Variants in AFF3 observed in about 807,000 individuals in gnomAD.
AFF3 encodes ALF transcription elongation factor 3.
AFF3 carries 32 observed loss-of-function variants against 129.7 expected under a neutral mutation model. That is an observed-to-expected ratio of 0.25 (90% CI 0.19 to 0.33). The LOEUF (loss-of-function observed/expected upper bound fraction) is 0.33. AFF3 is among the 10% of genes least tolerant of loss of function. The pLI, the probability that AFF3 is intolerant of heterozygous loss-of-function variation, is 1.00. For synonymous variants in AFF3, 644 were observed against 635.4 expected, an observed-to-expected ratio of 1.01 and a Z score of -0.20; for missense variants, 1,373 against 1,592.0, an observed-to-expected ratio of 0.86 and a Z score of 2.34.
At chr2:99,890,588 G>A (rs184562843) in intron 7 of AFF3, among the ~76,000 whole-genome samples, 10 of 152,208 alleles carry the variant, frequency 6.6e-5, no homozygotes, top group Admixed American at 2.0e-4. Flanking sequence ...AGGAAGAAGC[G>A]GGCAACCTCT....
At chr2:99,903,057 AT>A (rs1209334572) in intron 7 of AFF3, among the ~76,000 whole-genome samples, 4 of 152,186 alleles carry the variant, frequency 2.6e-5, no homozygotes, top group Non-Finnish European at 4.4e-5. Context: ...TTCTGAATAA[AT>A]ATGAATAAGT....
At chr2:99,991,821 T>C (rs1164228315) in intron 7 of AFF3, among the ~76,000 whole-genome samples, 1 of 151,894 alleles carries the variant, frequency 6.6e-6, no homozygotes, top group East Asian at 1.9e-4. Context: ...GAGAATTGCT[T>C]GAACCTGGGA....
chr2:99,795,978 T>G (rs1009612726), intron 8 of AFF3, among the ~76,000 whole-genome samples: 1 of 152,154 alleles, frequency 6.6e-6, no homozygotes, highest in Admixed American at 6.6e-5. Context: ...GGATAAAGGA[T>G]GAGGAACAGG....
rs529436921 is a variant in AFF3 at position 100,105,666 on chromosome 2, G to T, written c.-144-83C>A. 5.2e-6 allele frequency: 7 copies of T among 1,346,818 alleles called. No individual in the cohort carries two copies. In the African/African-American group the frequency reaches 1.0e-4, roughly 20 times the overall value. 83.4% of individuals were successfully genotyped at this position (1,346,818 alleles called of 1,614,324 possible). On this transcript the variant is annotated intron_variant, in intron 2 of 24. Coordinates refer to ENST00000672756, the MANE Select transcript of AFF3 (RefSeq NM_001386135.1). Reference sequence around the variant, plus strand: ...ATTGTAAAGACAGCTCTTCCCCCTGGCTTACTTTTTTAGACATGCTGAGAA... The same window carrying T: ...ATTGTAAAGACAGCTCTTCCCCCTGTCTTACTTTTTTAGACATGCTGAGAA...
intron 7 of AFF3, among the ~76,000 whole-genome samples, chr2:99,905,680 C>T (rs1032237955): frequency 1.2e-4 from 19 of 152,164 alleles, no homozygotes; most frequent in Non-Finnish European, 2.6e-4. Context: ...TTTAATTTAA[C>T]TGTCTACTTA....
chr2:99,731,758 C>G (rs10167011), intron 10 of AFF3, among the ~76,000 whole-genome samples: 106,100 of 152,152 alleles, frequency 0.7, 38,001 homozygotes, highest in African/African-American at 0.86. Flanking sequence ...GAACAGGAGG[C>G]AATGTCACTA....
chr2:100,035,429 A>T (rs1296083515), intron 4 of AFF3, among the ~76,000 whole-genome samples: 1 of 152,214 alleles, frequency 6.6e-6, no homozygotes, highest in Admixed American at 6.5e-5. Flanking sequence ...CCAATGATGA[A>T]CAAAAATGAT....
intron 24 of AFF3, among the ~76,000 whole-genome samples, chr2:99,551,856 T>G (rs1324198652): frequency 6.6e-6 from 1 of 152,028 alleles, no homozygotes; most frequent in African/African-American, 2.4e-5. Context: ...GCAAAGAAAA[T>G]CCATATCCTC....
chr2:99,784,087 G>A (rs1373249292), intron 8 of AFF3, among the ~76,000 whole-genome samples: 1 of 152,252 alleles, frequency 6.6e-6, no homozygotes, highest in Non-Finnish European at 1.5e-5. Context: ...CGAGAGGCCA[G>A]TCTGCATTCC....
chr2:99,871,155 T>C (rs933272887), intron 7 of AFF3, among the ~76,000 whole-genome samples: 43 of 152,212 alleles, frequency 2.8e-4, no homozygotes, highest in African/African-American at 1.0e-3. Context: ...TACAGGCATA[T>C]ATGAAACATA....
chr2:99,866,860 C>T (rs1691440336), intron 7 of AFF3, among the ~76,000 whole-genome samples: 1 of 151,284 alleles, frequency 6.6e-6, no homozygotes, highest in Admixed American at 6.6e-5. Context: ...CCTCTAATCC[C>T]AGCTACTTGG....
intron 4 of AFF3, among the ~76,000 whole-genome samples, chr2:100,099,935 ATTTG>A (rs1690596555): frequency 6.8e-6 from 1 of 147,246 alleles, no homozygotes; most frequent in African/African-American, 2.5e-5. Flanking sequence ...TTAAACGTGT[ATTTG>A]TTACTGGGGG....
chr2:99,796,629 G>T (rs1418223540), intron 8 of AFF3, among the ~76,000 whole-genome samples: 1 of 152,168 alleles, frequency 6.6e-6, no homozygotes, highest in Non-Finnish European at 1.5e-5. Context: ...ACTTGAGTTT[G>T]CTGCTCAGGA....
chr2:100,120,106 G>A lies in AFF3; in HGVS notation c.-145+9118C>T, dbSNP rs529072271. ...ATGATGTTTAATACATAGTCCATAC[G>A]AGAAGTATTATCAGGTCTTGAGAAG... On this transcript the variant is annotated intron_variant, in intron 2 of 24. Coordinates refer to ENST00000672756, the MANE Select transcript of AFF3 (RefSeq NM_001386135.1). Among the ~76,000 whole-genome samples the A allele has an allele frequency of 3.3e-5, 5 of 152,294 alleles. No individual in the cohort carries two copies. The East Asian group carries it at 5.8e-4, about 18-fold the overall frequency.
At chr2:99,588,744 T>G (rs1000583622) in intron 15 of AFF3, among the ~76,000 whole-genome samples, 20 of 152,156 alleles carry the variant, frequency 1.3e-4, no homozygotes, top group Admixed American at 2.0e-4. Flanking sequence ...TCCGAGTTCT[T>G]AGTCCTTAGC....
intron 4 of AFF3, among the ~76,000 whole-genome samples, chr2:100,044,908 G>C (rs1685712495): frequency 6.6e-6 from 1 of 152,102 alleles, no homozygotes; most frequent in Non-Finnish European, 1.5e-5. Context: ...TCGCTGTCCA[G>C]CAAGTCAGAC....
At chr2:99,810,363 G>C (rs1185635721) in intron 8 of AFF3, among the ~76,000 whole-genome samples, 1 of 152,200 alleles carries the variant, frequency 6.6e-6, no homozygotes, top group Non-Finnish European at 1.5e-5. Flanking sequence ...TCCCCCATCT[G>C]AGAGATAATT....
rs199981708 is a variant in AFF3 at position 99,589,396 on chromosome 2, CA to C, written c.2467-2119del. On this transcript the variant is annotated intron_variant, in intron 15 of 24. Coordinates refer to ENST00000672756, the MANE Select transcript of AFF3 (RefSeq NM_001386135.1). ...GACAACACCCCTGCAAAGATGTCAA[CA>C]TTTTTTTTTTTTTTTTTTTTTTTGA... Among the ~76,000 whole-genome samples, 214 of 98,392 alleles carry C rather than the reference CA, an allele frequency of 2.2e-3. 5 individuals carry two copies. The highest frequency in any genetic ancestry group is 7.2e-3 in the African/African-American group (192 of 26,640). 64.5% of individuals were successfully genotyped at this position (98,392 alleles called of 152,430 possible). A position where few individuals can be genotyped will look rare whatever the true frequency, so the allele number is the denominator to read the frequency against.
intron 7 of AFF3, among the ~76,000 whole-genome samples, chr2:99,901,668 C>G (rs927005346): frequency 5.3e-5 from 8 of 152,204 alleles, no homozygotes; most frequent in African/African-American, 1.7e-4. Flanking sequence ...TCTGGAGACT[C>G]CTCTCCGTTG....
Sources: gnomAD v4.1 joint callset for allele counts (sites outside exome capture counted in the v4.1 genomes callset) on GRCh38, gnomAD v4.1.1 for gene constraint, MANE v1.5 for transcripts, NCBI Gene and HGNC (gene_info 2026-07-23, HGNC 2026-07-21) for gene names.